Variants in FMNL2 observed in about 807,000 individuals in gnomAD.
FMNL2 encodes the protein formin-like protein 2.
A neutral mutation model predicts 130.2 loss-of-function variants in FMNL2; 51 were observed. The ratio of observed to expected loss-of-function variants is 0.39; its 90% CI spans 0.31 to 0.49. The LOEUF (loss-of-function observed/expected upper bound fraction) is 0.49. Ranked by LOEUF, FMNL2 falls within the 20% of genes least tolerant of loss-of-function variation. FMNL2 has a pLI of 0.85. For synonymous variants in FMNL2, 465 were observed against 467.1 expected (o/e 1.00, Z 0.06); for missense variants, 977 against 1,316.2 (o/e 0.74, Z 3.99).
chr2:152,443,392 A>G (rs1458316514), intron 1 of FMNL2, among the ~76,000 whole-genome samples: 1 of 151,258 alleles, frequency 6.6e-6, no homozygotes, highest in Non-Finnish European at 1.5e-5. Context: ...GGGATTAGCT[A>G]GGAAGGTAGG....
intron 1 of FMNL2, among the ~76,000 whole-genome samples, chr2:152,405,906 G>A (rs1333443125): frequency 1.3e-5 from 2 of 152,190 alleles, no homozygotes; most frequent in East Asian, 1.9e-4. Flanking sequence ...TTATAACATA[G>A]TAAAGTCTTT....
chr2:152,552,449 GT>G (rs1474122075), intron 4 of FMNL2, among the ~76,000 whole-genome samples: 6 of 152,116 alleles, frequency 3.9e-5, no homozygotes, highest in African/African-American at 9.7e-5. Context: ...TAAAAAAATT[GT>G]TCTGGGCACA....
intron 9 of FMNL2, among the ~76,000 whole-genome samples, chr2:152,581,631 C>T (rs757586528): frequency 9.9e-5 from 15 of 152,172 alleles, no homozygotes; most frequent in African/African-American, 1.4e-4. Context: ...ACATCACCGC[C>T]GCGGGCCCTG....
At chr2:152,483,944 G>A (rs1579779235) in intron 1 of FMNL2, among the ~76,000 whole-genome samples, 1 of 152,206 alleles carries the variant, frequency 6.6e-6, no homozygotes, top group Non-Finnish European at 1.5e-5. Flanking sequence ...CAGTTTGCTT[G>A]AGCAAGACTC....
At chr2:152,637,457 C>A in intron 22 of FMNL2, 116 bp from the exon 23 acceptor site, 1 of 769,696 alleles carries the variant, frequency 1.3e-6, no homozygotes, top group Non-Finnish European at 2.2e-6. Context: ...GGTGCAGCAA[C>A]GCAAGGCCAT....
Position 152,640,914 on chromosome 2 carries a change from G to T in FMNL2, c.3169G>T (p.Asp1057Tyr). 6.2e-7 allele frequency: 1 copy of T among 1,613,508 alleles called. No individual in the cohort carries two copies. Among genetic ancestry groups the T allele is most frequent in the Non-Finnish European group, 8.5e-7 (1 of 1,179,618 alleles). The change falls in exon 25 of 26, where the codon GAT (aspartate) becomes TAT (tyrosine). Residue 1057 changes from aspartate (D) to tyrosine (Y), a missense_variant and splice_region_variant. Asp to Tyr is a radical substitution (Grantham distance 160). Around this residue, in one of 4 missense-constraint regions of FMNL2, gnomAD observed 168 missense variants for 168.8 expected, o/e 1.00. Coordinates refer to ENST00000288670, the MANE Select transcript of FMNL2 (RefSeq NM_052905.4). Reference protein sequence around the residue: ...KDGAIEDIITDLRNQPYRRAD... With the variant: ...KDGAIEDIITYLRNQPYRRAD... ...TGGTGCCATTGAAGATATTATCACA[G>T]GTAAAAGATATTTCTTCACTGTGGC... is the stretch of plus-strand genomic sequence containing the variant.
At chr2:152,503,606 T>C (rs141402087) in intron 1 of FMNL2, among the ~76,000 whole-genome samples, 82 of 152,202 alleles carry the variant, frequency 5.4e-4, no homozygotes, top group Middle Eastern at 3.4e-3. Context: ...AGTGAGTTTG[T>C]CTAGGTTTGG....
intron 1 of FMNL2, among the ~76,000 whole-genome samples, chr2:152,435,594 A>T (rs1322913753): frequency 6.6e-6 from 1 of 152,144 alleles, no homozygotes; most frequent in African/African-American, 2.4e-5. Flanking sequence ...TGAAAAAAAA[A>T]AAAGCCCTCA....
chr2:152,377,387 G>A (rs1342609884), intron 1 of FMNL2, among the ~76,000 whole-genome samples: 3 of 152,178 alleles, frequency 2.0e-5, no homozygotes, highest in South Asian at 2.1e-4. Flanking sequence ...AGACATGTAG[G>A]AGTTAGTCTA....
chr2:152,414,183 A>G (rs1365819545), intron 1 of FMNL2, among the ~76,000 whole-genome samples: 1 of 152,052 alleles, frequency 6.6e-6, no homozygotes, highest in Non-Finnish European at 1.5e-5. Flanking sequence ...CCTGCTAACT[A>G]CACAGTATTT....
At chr2:152,633,854 G>A (rs1682360008) in intron 21 of FMNL2, among the ~76,000 whole-genome samples, 1 of 152,220 alleles carries the variant, frequency 6.6e-6, no homozygotes, top group Admixed American at 6.5e-5. Flanking sequence ...GGGAGACTGG[G>A]TTGCTCCCTG....
In FMNL2 at chr2:152,569,971, A is replaced by C. The variant is rs185958540; in HGVS notation, c.597-5165A>C. Among the ~76,000 whole-genome samples the C allele has an allele frequency of 3.3e-5, 5 of 151,214 alleles. No homozygotes were observed. In the East Asian group the frequency reaches 9.8e-4, roughly 30 times the overall value. On this transcript the variant is annotated intron_variant, in intron 6 of 25. Transcript: ENST00000288670. ...GGTTGCAGTGAGCCAAGAGTGCATCATTGCACTCCAGCCTGGGCAACAGAG... is the reference window on the plus strand; with the variant it reads ...GGTTGCAGTGAGCCAAGAGTGCATCCTTGCACTCCAGCCTGGGCAACAGAG...
chr2:152,354,438 C>G (rs1161721685), intron 1 of FMNL2, among the ~76,000 whole-genome samples: 1 of 152,120 alleles, frequency 6.6e-6, no homozygotes, highest in African/African-American at 2.4e-5. Flanking sequence ...ACGGTGCCAT[C>G]TGACTTGATC....
chr2:152,541,512 T>C (rs1694311756), intron 2 of FMNL2, among the ~76,000 whole-genome samples: 2 of 152,190 alleles, frequency 1.3e-5, no homozygotes, highest in Admixed American at 1.3e-4. Context: ...AGCACCTTTG[T>C]AACTGCTACT....
At position 152,580,153 on chromosome 2, in the gene FMNL2, A is replaced by G. The variant is rs543386530; in HGVS notation, c.783-803A>G. On this transcript the variant is annotated intron_variant, in intron 8 of 25. Transcript: ENST00000288670. ...CAGGGAAGACATTATTTTTTAAAAG[A>G]CAATTGACATTGTGGAGTATCAGAA... 3.3e-5 allele frequency among the ~76,000 whole-genome samples: 5 copies of G among 152,350 alleles called. No individual in the cohort carries two copies. In the East Asian group the frequency reaches 5.8e-4, roughly 18 times the overall value.
Position 152,579,779 on chromosome 2 carries a change from G to A in FMNL2, c.782+815G>A, listed in dbSNP as rs190497369. ...CATATTCACCACCTTGTAAAGGCTA[G>A]CAGCAGATATAATTCACATCACACG... On this transcript the variant is annotated intron_variant, in intron 8 of 25. Coordinates refer to ENST00000288670, the MANE Select transcript of FMNL2 (RefSeq NM_052905.4). Among the ~76,000 whole-genome samples the A allele has an allele frequency of 3.0e-4, 46 of 152,360 alleles. 1 individual carries two copies. Among genetic ancestry groups the A allele is most frequent in the Non-Finnish European group, 6.3e-4 (43 of 68,034 alleles).
intron 10 of FMNL2, among the ~76,000 whole-genome samples, chr2:152,610,697 C>T (rs1698626884): frequency 1.3e-5 from 2 of 152,226 alleles, no homozygotes; most frequent in Admixed American, 6.5e-5. Flanking sequence ...GATTAATGGA[C>T]ATTGGCTTCT....
At chr2:152,381,755 C>G (rs528025919) in intron 1 of FMNL2, among the ~76,000 whole-genome samples, 3 of 151,954 alleles carry the variant, frequency 2.0e-5, no homozygotes, top group African/African-American at 7.3e-5. Flanking sequence ...AAATGTACTG[C>G]TTTAAGAAAC....
chr2:152,399,591 G>T (rs986989387), intron 1 of FMNL2, among the ~76,000 whole-genome samples: 13 of 152,102 alleles, frequency 8.5e-5, no homozygotes, highest in Admixed American at 7.9e-4. Flanking sequence ...TTTTTTCTGG[G>T]GTTGGCAGTG....
Sources: gnomAD v4.1 joint callset for allele counts (sites outside exome capture counted in the v4.1 genomes callset) on GRCh38, gnomAD v4.1.1 for gene constraint, gnomAD v4.1.1 regional missense constraint, MANE v1.5 for transcripts, NCBI Gene and HGNC (gene_info 2026-07-23, HGNC 2026-07-21) for gene names.